Variants in TP63 observed in about 807,000 individuals in gnomAD.
TP63 encodes the protein tumor protein p63.
Under a neutral mutation model 82.8 loss-of-function variants are expected in TP63, and 17 were observed. That is an observed-to-expected ratio of 0.21 (90% confidence interval 0.14 to 0.31). The LOEUF (loss-of-function observed/expected upper bound fraction) is 0.31. Ranked by LOEUF, TP63 falls within the 10% of genes least tolerant of loss-of-function variation. The probability of loss-of-function intolerance (pLI) is 1.00; values close to 1 mark genes in which losing one functional copy is unlikely to be tolerated. For missense variants in TP63, 648 were observed against 895.3 expected (o/e 0.72, Z 3.52); for synonymous variants, 330 against 321.7 (o/e 1.03, Z -0.28).
chr3:189,642,090 A>T (rs73889794), intron 1 of TP63, among the ~76,000 whole-genome samples: 2 of 152,214 alleles, frequency 1.3e-5, no homozygotes, highest in African/African-American at 4.8e-5. Context: ...TCTGGAAAAC[A>T]TTACTATTTA....
At position 189,698,106 on chromosome 3, in the gene TP63, C is replaced by T. The variant is rs187158475; in HGVS notation, c.63-39634C>T. Among the ~76,000 whole-genome samples the T allele has an allele frequency of 3.3e-3, 507 of 152,162 alleles. 2 individuals are homozygous for T. Among genetic ancestry groups the T allele is most frequent in the Non-Finnish European group, 4.9e-3 (335 of 67,956 alleles). ...TGATAAAAGACATCCTTGGTTTGTT[C>T]TCATTCTTAACATTTTAAGAAGCAT... On this transcript the variant is annotated intron_variant, in intron 1 of 13. Coordinates refer to ENST00000264731, the MANE Select transcript of TP63 (RefSeq NM_003722.5).
At chr3:189,872,611 C>G (rs1255125360) in intron 9 of TP63, among the ~76,000 whole-genome samples, 2 of 152,100 alleles carry the variant, frequency 1.3e-5, no homozygotes. Context: ...ATAAGAGCTA[C>G]AAGATGACAG....
At chr3:189,621,194 A>C in the TP63 span, among the ~76,000 whole-genome samples, 2 of 152,344 alleles carry the variant, frequency 1.3e-5, no homozygotes, top group South Asian at 4.1e-4. Context: ...TTTTCACTCC[A>C]TAATTCAGAA....
intron 3 of TP63, among the ~76,000 whole-genome samples, chr3:189,743,094 A>C (rs114745183): frequency 0.031 from 4,647 of 152,266 alleles, 188 homozygotes; most frequent in East Asian, 0.15. Flanking sequence ...TCATAACAAA[A>C]GCTTAATAAC....
At chr3:189,597,714 C>T in the TP63 span, among the ~76,000 whole-genome samples, 1 of 152,072 alleles carries the variant, frequency 6.6e-6, no homozygotes, top group African/African-American at 2.4e-5. Context: ...TGCTTGAGTT[C>T]AGGAGTTCAA....
At chr3:189,825,284 C>T (rs1466165585) in intron 4 of TP63, among the ~76,000 whole-genome samples, 1 of 152,184 alleles carries the variant, frequency 6.6e-6, no homozygotes, top group African/African-American at 2.4e-5. Flanking sequence ...ACATTCACAG[C>T]GTGGTGGCTA....
At chr3:189,845,210 A>C (rs377257468) in intron 4 of TP63, among the ~76,000 whole-genome samples, 10 of 152,310 alleles carry the variant, frequency 6.6e-5, no homozygotes, top group African/African-American at 2.2e-4. Context: ...GATAGTACAG[A>C]CAACACTTTA....
intron 1 of TP63, among the ~76,000 whole-genome samples, chr3:189,657,044 A>T: frequency 6.6e-6 from 1 of 151,442 alleles, no homozygotes. Context: ...GACAACAAGA[A>T]TCTCAAATGC....
At chr3:189,675,340 T>C (rs1490754001) in intron 1 of TP63, among the ~76,000 whole-genome samples, 1 of 152,106 alleles carries the variant, frequency 6.6e-6, no homozygotes, top group Non-Finnish European at 1.5e-5. Context: ...CATCAGAAGA[T>C]AATTATTGAA....
At chr3:189,738,867 G>T (rs1720784118) in intron 3 of TP63, 93 bp downstream of exon 3, 1 of 1,542,888 alleles carries the variant, frequency 6.5e-7, no homozygotes, top group Non-Finnish European at 8.8e-7. Context: ...AAAGGCAGGT[G>T]GCTCTGAATG....
chr3:189,653,783 C>T (rs969333514), intron 1 of TP63, among the ~76,000 whole-genome samples: 1 of 152,164 alleles, frequency 6.6e-6, no homozygotes, highest in African/African-American at 2.4e-5. Flanking sequence ...TTTCTTAAAG[C>T]TTTTCTCACA....
At chr3:189,709,574 A>G (rs1469281670) in intron 1 of TP63, among the ~76,000 whole-genome samples, 1 of 151,916 alleles carries the variant, frequency 6.6e-6, no homozygotes, top group Non-Finnish European at 1.5e-5. Context: ...AACTTTTTTT[A>G]TTTGCTTTTT....
chr3:189,885,350 G>A (rs1170211152), intron 10 of TP63, among the ~76,000 whole-genome samples: 1 of 152,198 alleles, frequency 6.6e-6, no homozygotes, highest in Non-Finnish European at 1.5e-5. Context: ...CTCTATGAGT[G>A]TCTCAAAGAT....
At chr3:189,776,426 G>A (rs992011467) in intron 3 of TP63, among the ~76,000 whole-genome samples, 8 of 152,114 alleles carry the variant, frequency 5.3e-5, no homozygotes, top group African/African-American at 1.9e-4. Context: ...TACATGTATA[G>A]CCCTAGGAAA....
intron 3 of TP63, among the ~76,000 whole-genome samples, chr3:189,783,591 G>A (rs1724385364): frequency 6.6e-6 from 1 of 151,920 alleles, no homozygotes; most frequent in Middle Eastern, 3.4e-3. Flanking sequence ...GGAAATACTT[G>A]ATGAATATGT....
At chr3:189,624,796 T>C in the TP63 span, among the ~76,000 whole-genome samples, 73 of 152,290 alleles carry the variant, frequency 4.8e-4, no homozygotes, top group African/African-American at 1.7e-3. Context: ...CCAATTACTG[T>C]AGGACATATT....
At chr3:189,811,240 G>T (rs1457620391) in intron 4 of TP63, among the ~76,000 whole-genome samples, 2 of 152,196 alleles carry the variant, frequency 1.3e-5, no homozygotes, top group East Asian at 1.9e-4. Flanking sequence ...TTTTCTTAAG[G>T]TGAGATGATA....
At chr3:189,693,124 T>C (rs961085588) in intron 1 of TP63, among the ~76,000 whole-genome samples, 3 of 152,212 alleles carry the variant, frequency 2.0e-5, no homozygotes, top group Non-Finnish European at 4.4e-5. Flanking sequence ...TACTCCGTTA[T>C]GTGGCTTCAT....
chr3:189,830,609 C>A (rs912581427), intron 4 of TP63, among the ~76,000 whole-genome samples: 8 of 152,130 alleles, frequency 5.3e-5, no homozygotes, highest in African/African-American at 1.9e-4. Flanking sequence ...ACATAACACG[C>A]AATTTTGTTG....
Sources: gnomAD v4.1 joint callset for allele counts (sites outside exome capture counted in the v4.1 genomes callset) on GRCh38, gnomAD v4.1.1 for gene constraint, MANE v1.5 for transcripts, NCBI Gene and HGNC (gene_info 2026-07-23, HGNC 2026-07-21) for gene names.